Variants in MTCL2 observed in about 807,000 individuals in gnomAD.
The protein encoded by MTCL2 is microtubule crosslinking factor 2.
chr20:36,850,837 G>C, the MTCL2 span, among the ~76,000 whole-genome samples: 45,141 of 152,194 alleles, frequency 0.3, 7,575 homozygotes, highest in Middle Eastern at 0.43. Context: ...GCTGGTGAAT[G>C]ATAAACTGTG....
chr20:36,802,758 C>A, the MTCL2 span: 2 of 1,415,164 alleles, frequency 1.4e-6, no homozygotes, highest in Non-Finnish European at 1.9e-6. Flanking sequence ...GGATGAGCAC[C>A]TAGATCCAGC....
the MTCL2 span, among the ~76,000 whole-genome samples, chr20:36,796,162 C>T: frequency 6.6e-6 from 1 of 152,246 alleles, no homozygotes; most frequent in Admixed American, 6.5e-5. Flanking sequence ...GCTCCTGGCA[C>T]ACCTATTGCC....
the MTCL2 span, among the ~76,000 whole-genome samples, chr20:36,833,266 T>C: frequency 6.6e-6 from 1 of 152,244 alleles, no homozygotes. Flanking sequence ...TGTCAGGCAT[T>C]TGAAGGGCCC....
chr20:36,831,151 T>C, the MTCL2 span, among the ~76,000 whole-genome samples: 3 of 152,220 alleles, frequency 2.0e-5, no homozygotes, highest in Non-Finnish European at 4.4e-5. Flanking sequence ...GGAAGGCCCT[T>C]CTGGGCTGGG....
the MTCL2 span, chr20:36,778,468 G>A: frequency 6.6e-6 from 1 of 152,308 alleles, no homozygotes; most frequent in Non-Finnish European, 1.5e-5. Context: ...TCCTGCTGCT[G>A]GAATGCAATA....
chr20:36,835,812 G>A, the MTCL2 span, among the ~76,000 whole-genome samples: 36 of 152,142 alleles, frequency 2.4e-4, no homozygotes, highest in Middle Eastern at 3.4e-3. Flanking sequence ...TCTCCGCCCA[G>A]ACTCCGGAGA....
the MTCL2 span, among the ~76,000 whole-genome samples, chr20:36,832,327 C>T: frequency 6.6e-6 from 1 of 152,194 alleles, no homozygotes; most frequent in Non-Finnish European, 1.5e-5. Context: ...TGCGGGGATG[C>T]CCCATCTCCA....
chr20:36,804,647 C>T, the MTCL2 span: 1 of 1,528,294 alleles, frequency 6.5e-7, no homozygotes, highest in Non-Finnish European at 9.0e-7. Flanking sequence ...CCTCTAGGAG[C>T]ATGGCCTTGG....
chr20:36,802,942 C>G, the MTCL2 span: 15 of 1,577,646 alleles, frequency 9.5e-6, no homozygotes, highest in African/African-American at 1.3e-5. Context: ...TGCAGCTTTT[C>G]CTGGCTCCAG....
chr20:36,813,313 TAAAAAAAAAAAA>T, the MTCL2 span, among the ~76,000 whole-genome samples: 2,957 of 41,956 alleles, frequency 0.07, 123 homozygotes, highest in Middle Eastern at 0.1. Context: ...ACTGTTTCTT[TAAAAAAAAAAAA>T]AAAAAAAAAA....
the MTCL2 span, chr20:36,812,715 A>T: frequency 6.2e-7 from 1 of 1,614,014 alleles, no homozygotes; most frequent in Non-Finnish European, 8.5e-7. Context: ...TCAGAGGCAT[A>T]GGAATCATTG....
At chr20:36,794,722 T>TACAAGAGG in the MTCL2 span, 5 of 1,286,068 alleles carry the variant, frequency 3.9e-6, no homozygotes, top group Non-Finnish European at 5.5e-6. The surrounding 1 kb of genome is among the most constrained non-coding windows in gnomAD (Gnocchi z 5.4). Flanking sequence ...TGTTCACCTC[T>TACAAGAGG]TGTAGAGATG....
the MTCL2 span, chr20:36,779,693 CAG>C: frequency 6.6e-6 from 1 of 152,056 alleles, no homozygotes; most frequent in Non-Finnish European, 1.5e-5. Context: ...GAGCAAATAT[CAG>C]AGTTGGGAAA....
At chr20:36,809,160 T>A in the MTCL2 span, among the ~76,000 whole-genome samples, 1 of 152,144 alleles carries the variant, frequency 6.6e-6, no homozygotes, top group African/African-American at 2.4e-5. Flanking sequence ...TGCAGTGTCA[T>A]GCCTAACAGA....
the MTCL2 span, among the ~76,000 whole-genome samples, chr20:36,789,790 T>C: frequency 6.6e-6 from 1 of 152,142 alleles, no homozygotes; most frequent in African/African-American, 2.4e-5. Flanking sequence ...GCCTTCAGAC[T>C]GAGACACTTG....
At chr20:36,808,551 C>T in the MTCL2 span, 2 of 1,607,624 alleles carry the variant, frequency 1.2e-6, no homozygotes, top group Non-Finnish European at 1.7e-6. Flanking sequence ...AAAACCTTGC[C>T]CTGCCGCCAG....
the MTCL2 span, among the ~76,000 whole-genome samples, chr20:36,821,203 T>C: frequency 2.6e-5 from 4 of 152,210 alleles, no homozygotes; most frequent in African/African-American, 4.8e-5. Context: ...CTTCACTGAG[T>C]TTATATTACT....
At chr20:36,825,135 G>A in the MTCL2 span, among the ~76,000 whole-genome samples, 3 of 151,940 alleles carry the variant, frequency 2.0e-5, no homozygotes, top group African/African-American at 7.3e-5. Flanking sequence ...TAGAAGTGGG[G>A]TTTCACCATG....
At chr20:36,791,035 TA>T in the MTCL2 span, among the ~76,000 whole-genome samples, 4 of 151,544 alleles carry the variant, frequency 2.6e-5, no homozygotes, top group African/African-American at 4.9e-5. Flanking sequence ...AAAACATTTA[TA>T]TTTTTTTTTT....
Sources: gnomAD v4.1 joint callset for allele counts (sites outside exome capture counted in the v4.1 genomes callset) on GRCh38, gnomAD v4.1.1 for gene constraint, Gnocchi (gnomAD v3.1) non-coding constraint, MANE v1.5 for transcripts, NCBI Gene and HGNC (gene_info 2026-07-23, HGNC 2026-07-21) for gene names.